Variants in SLC35F3 observed in about 807,000 individuals in gnomAD.
The protein encoded by SLC35F3 is putative thiamine transporter SLC35F3.
Under a neutral mutation model 49.9 loss-of-function variants are expected in SLC35F3, and 25 were observed. The observed-to-expected ratio is 0.50, with a 90% confidence interval of 0.37 to 0.70. The LOEUF (loss-of-function observed/expected upper bound fraction) is 0.70, where lower values mean the gene tolerates loss of function less well. Among genes scored for constraint, SLC35F3 ranks in the 30% least tolerant of loss-of-function variants. The pLI, the probability that SLC35F3 is intolerant of heterozygous loss-of-function variation, is 0.00. For missense variants in SLC35F3, 525 were observed against 639.8 expected (o/e 0.82, Z 1.94); for synonymous variants, 275 against 265.4 (o/e 1.04, Z -0.35).
chr1:234,162,409 A>T (rs1666242635), intron 2 of SLC35F3, among the ~76,000 whole-genome samples: 1 of 124,136 alleles, frequency 8.1e-6, no homozygotes, highest in Non-Finnish European at 1.7e-5. Context: ...AAAAAAAAAA[A>T]AGCAATCTTT....
chr1:234,216,957 T>C (rs1667131553), intron 2 of SLC35F3, among the ~76,000 whole-genome samples: 1 of 152,244 alleles, frequency 6.6e-6, no homozygotes, highest in Admixed American at 6.5e-5. Context: ...TCTTTCTCTC[T>C]GCCTAGTTTT....
chr1:234,297,248 C>G (rs530170331), intron 3 of SLC35F3, among the ~76,000 whole-genome samples: 1 of 152,058 alleles, frequency 6.6e-6, no homozygotes, highest in South Asian at 2.1e-4. Context: ...ATGGAGATAC[C>G]TCAAAAAATT....
chr1:234,142,671 G>T (rs998603572), intron 2 of SLC35F3, among the ~76,000 whole-genome samples: 2 of 151,772 alleles, frequency 1.3e-5, no homozygotes, highest in African/African-American at 4.8e-5. Flanking sequence ...AAAAAAAAAC[G>T]CATGATGTGT....
chr1:233,966,690 C>T (rs1166309339), intron 2 of SLC35F3, among the ~76,000 whole-genome samples: 3 of 152,176 alleles, frequency 2.0e-5, no homozygotes, highest in Non-Finnish European at 4.4e-5. Context: ...AAAACTAGAA[C>T]TCATTCATTT....
At chr1:234,044,142 G>T (rs2102854525) in intron 2 of SLC35F3, among the ~76,000 whole-genome samples, 1 of 152,264 alleles carries the variant, frequency 6.6e-6, no homozygotes, top group African/African-American at 2.4e-5. Context: ...TCTTGGGAAT[G>T]GATTAGTTTC....
chr1:234,280,698 T>A (rs561378316), intron 3 of SLC35F3, among the ~76,000 whole-genome samples: 74 of 152,354 alleles, frequency 4.9e-4, no homozygotes, highest in African/African-American at 1.7e-3. Flanking sequence ...CACCACGTGC[T>A]GGTGTGGTAC....
chr1:233,942,643 G>A (rs898545690), intron 2 of SLC35F3, among the ~76,000 whole-genome samples: 2 of 152,080 alleles, frequency 1.3e-5, no homozygotes, highest in African/African-American at 4.8e-5. Context: ...CAAACTCCCA[G>A]GCTCAAGCAA....
rs555703278 is a variant in SLC35F3, at chr1:234,268,298, A to T, written c.608+36557A>T. On this transcript the variant is annotated intron_variant, in intron 3 of 7. Transcript: ENST00000366618. ...CGAAACCCCGTCTCCACCAAAAAAA[A>T]ACGAAAACCAGTCAGGCGTGGCGGC... is the stretch of plus-strand genomic sequence containing the variant. Among the ~76,000 whole-genome samples the T allele has an allele frequency of 5.3e-5, 8 of 152,190 alleles. No homozygotes were observed. In the East Asian group the frequency reaches 9.7e-4, roughly 19 times the overall value.
At chr1:234,114,138 A>C (rs545454433) in intron 2 of SLC35F3, among the ~76,000 whole-genome samples, 10 of 152,236 alleles carry the variant, frequency 6.6e-5, no homozygotes, top group Non-Finnish European at 1.5e-4. Context: ...CGATAGTCTT[A>C]TGAGCCAGTA....
At chr1:234,262,295 T>C (rs1667917448) in intron 3 of SLC35F3, among the ~76,000 whole-genome samples, 1 of 152,250 alleles carries the variant, frequency 6.6e-6, no homozygotes, top group Non-Finnish European at 1.5e-5. Flanking sequence ...GCTGTGCATT[T>C]AGGCGAGATA....
intron 2 of SLC35F3, among the ~76,000 whole-genome samples, chr1:234,024,536 T>C (rs916914681): frequency 6.6e-6 from 1 of 152,212 alleles, no homozygotes; most frequent in African/African-American, 2.4e-5. Flanking sequence ...GTGGAGTGAC[T>C]GCATCTGATG....
Position 234,318,750 on chromosome 1 carries a change from G to A in SLC35F3, c.955-1G>A. 1 of 1,613,380 alleles carries A rather than the reference G, an allele frequency of 6.2e-7. No homozygotes were observed. On this transcript the variant is annotated splice_acceptor_variant, in intron 5 of 7. Coordinates refer to ENST00000366618, the MANE Select transcript of SLC35F3 (RefSeq NM_173508.4). LOFTEE classifies it high-confidence loss of function. ...CCGTCCTCCTCTGCTTTCTCCTACA[G>A]GTTTTGTTCAAGCTCCTCCTGGGCA...
intron 2 of SLC35F3, among the ~76,000 whole-genome samples, chr1:234,178,413 C>T (rs1666507415): frequency 6.6e-6 from 1 of 151,110 alleles, no homozygotes; most frequent in Admixed American, 6.6e-5. Flanking sequence ...CATTGACCTT[C>T]TCAGAAGTCT....
chr1:234,273,110 AT>A (rs1169040729), intron 3 of SLC35F3, among the ~76,000 whole-genome samples: 1 of 152,202 alleles, frequency 6.6e-6, no homozygotes, highest in Non-Finnish European at 1.5e-5. Context: ...CACCTGCTGC[AT>A]TCAGGGAATT....
chr1:233,925,618 T>A (rs1662144440), intron 2 of SLC35F3, among the ~76,000 whole-genome samples: 1 of 152,240 alleles, frequency 6.6e-6, no homozygotes, highest in Non-Finnish European at 1.5e-5. Flanking sequence ...AATTGGAGCA[T>A]TTAGCCCATT....
intron 3 of SLC35F3, among the ~76,000 whole-genome samples, chr1:234,259,354 T>C (rs1019794746): frequency 6.6e-6 from 1 of 152,158 alleles, no homozygotes; most frequent in African/African-American, 2.4e-5. Context: ...CATTAGCTAA[T>C]TGAAATCAAC....
chr1:234,229,903 G>A (rs1368961609), intron 2 of SLC35F3, among the ~76,000 whole-genome samples: 8 of 152,186 alleles, frequency 5.3e-5, no homozygotes, highest in South Asian at 2.1e-4. Context: ...GCATAAGCGC[G>A]CAGATCCCCC....
At position 233,982,672 on chromosome 1, in the gene SLC35F3, A is replaced by T. The variant is rs561137065; in HGVS notation, c.283+76914A>T. ...GAGTTCTTTATATATTTTAGATATG[A>T]TTCTTTTGTCAGATACCCACATCTT... On this transcript the variant is annotated intron_variant, in intron 2 of 7. Transcript: ENST00000366618. Among the ~76,000 whole-genome samples the T allele has an allele frequency of 1.2e-4, 19 of 152,234 alleles. No individual in the cohort carries two copies. In the South Asian group the frequency reaches 2.9e-3, roughly 23 times the overall value.
chr1:233,942,549 G>A (rs6666026), intron 2 of SLC35F3, among the ~76,000 whole-genome samples: 105,967 of 151,898 alleles, frequency 0.7, 37,371 homozygotes, highest in African/African-American at 0.8. Flanking sequence ...AATAGATGAG[G>A]CTACAGGTGT....
Sources: gnomAD v4.1 joint callset for allele counts (sites outside exome capture counted in the v4.1 genomes callset) on GRCh38, gnomAD v4.1.1 for gene constraint, MANE v1.5 for transcripts, NCBI Gene and HGNC (gene_info 2026-07-23, HGNC 2026-07-21) for gene names.